NT5DC1: variants seen among roughly 807,000 people sequenced by gnomAD.
The protein encoded by NT5DC1 is 5'-nucleotidase domain containing 1, also known as 5'-nucleotidase domain-containing protein 1.
In NT5DC1, 42 loss-of-function variants were observed where a neutral mutation model predicts 59.4. That is an observed-to-expected ratio of 0.71 (90% confidence interval 0.55 to 0.92). The LOEUF (loss-of-function observed/expected upper bound fraction) is 0.92. Ranked by LOEUF, NT5DC1 falls within the 40% of genes least tolerant of loss-of-function variation. The pLI is 0.00. For missense variants in NT5DC1, 501 were observed against 537.1 expected, an observed-to-expected ratio of 0.93 and a Z score of 0.66; for synonymous variants, 172 against 188.1, an observed-to-expected ratio of 0.91 and a Z score of 0.70.
intron 6 of NT5DC1, among the ~76,000 whole-genome samples, chr6:116,173,566 G>A (rs1301571330): frequency 6.6e-6 from 1 of 152,064 alleles, no homozygotes. Context: ...GCGAGGGCGA[G>A]TGTGCTCCTC....
chr6:116,230,642 C>G (rs1199326966), intron 8 of NT5DC1, among the ~76,000 whole-genome samples: 1 of 152,198 alleles, frequency 6.6e-6, no homozygotes, highest in Non-Finnish European at 1.5e-5. Context: ...AATGCCTTCT[C>G]CCTTTCCTCT....
chr6:116,231,221 G>A (rs544465969), intron 8 of NT5DC1, among the ~76,000 whole-genome samples: 29 of 141,574 alleles, frequency 2.0e-4, no homozygotes, highest in Non-Finnish European at 3.7e-4. Flanking sequence ...TCCTGTTATA[G>A]CCCTCAACAC....
intron 5 of NT5DC1, among the ~76,000 whole-genome samples, chr6:116,116,873 T>C (rs1244695691): frequency 1.3e-5 from 2 of 152,136 alleles, no homozygotes; most frequent in Non-Finnish European, 2.9e-5. Flanking sequence ...GATATAAATA[T>C]CTAGTAGTCT....
chr6:116,121,507 A>G, intron 6 of NT5DC1: 1 of 1,613,658 alleles, frequency 6.2e-7, no homozygotes, highest in East Asian at 2.2e-5. Flanking sequence ...GGCCTGGAAG[A>G]CCCCTCTCAC....
chr6:116,172,317 C>CTTTTTT (rs71554843), intron 6 of NT5DC1, among the ~76,000 whole-genome samples: 7 of 108,022 alleles, frequency 6.5e-5, no homozygotes, highest in Middle Eastern at 5.6e-3. Flanking sequence ...CCCTTAGTAA[C>CTTTTTT]TTTTTTTTTT....
At chr6:116,187,485 G>C (rs1781025754) in intron 6 of NT5DC1, among the ~76,000 whole-genome samples, 1 of 152,098 alleles carries the variant, frequency 6.6e-6, no homozygotes, top group Admixed American at 6.6e-5. Flanking sequence ...TAAAGTTACA[G>C]TAATTTGGTC....
chr6:116,155,648 A>G (rs917824091), intron 6 of NT5DC1, among the ~76,000 whole-genome samples: 4 of 151,900 alleles, frequency 2.6e-5, no homozygotes, highest in African/African-American at 9.7e-5. Context: ...ATTACAACAT[A>G]GGTTGTAAAA....
intron 7 of NT5DC1, among the ~76,000 whole-genome samples, chr6:116,222,702 T>G (rs1419367143): frequency 1.3e-5 from 2 of 152,184 alleles, no homozygotes; most frequent in African/African-American, 4.8e-5. Flanking sequence ...CCCCCAAATT[T>G]GAAGATAGAT....
intron 6 of NT5DC1, among the ~76,000 whole-genome samples, chr6:116,219,807 C>T (rs1420979100): frequency 2.0e-5 from 3 of 151,700 alleles, no homozygotes; most frequent in Non-Finnish European, 2.9e-5. Context: ...ACTAAAAATA[C>T]AGAAGTTAGC....
intron 4 of NT5DC1, among the ~76,000 whole-genome samples, chr6:116,112,592 G>T (rs1302801852): frequency 6.6e-6 from 1 of 152,152 alleles, no homozygotes; most frequent in Non-Finnish European, 1.5e-5. Flanking sequence ...GGTACACTTA[G>T]TTCTTCTAAA....
intron 6 of NT5DC1, among the ~76,000 whole-genome samples, chr6:116,132,474 T>G (rs539709703): frequency 2.0e-5 from 3 of 149,616 alleles, no homozygotes; most frequent in East Asian, 3.9e-4. Context: ...TGCTTATGAG[T>G]TTTTTTTTTC....
intron 8 of NT5DC1, among the ~76,000 whole-genome samples, chr6:116,230,039 G>C (rs1781987939): frequency 6.6e-6 from 1 of 152,128 alleles, no homozygotes; most frequent in Admixed American, 6.5e-5. Context: ...GAATTCTCCA[G>C]CTAATAACCT....
At chr6:116,195,632 A>G (rs1198420579) in intron 6 of NT5DC1, among the ~76,000 whole-genome samples, 1 of 152,038 alleles carries the variant, frequency 6.6e-6, no homozygotes, top group African/African-American at 2.4e-5. Context: ...GGTTAGAAAG[A>G]TGGCTGGCTA....
chr6:116,206,728 GT>G (rs1246743020), intron 6 of NT5DC1, among the ~76,000 whole-genome samples: 3 of 151,918 alleles, frequency 2.0e-5, no homozygotes, highest in Non-Finnish European at 2.9e-5. Flanking sequence ...TCCTTTTGAT[GT>G]TTTAAATGGA....
chr6:116,121,261 C>T, intron 6 of NT5DC1: 1 of 1,613,928 alleles, frequency 6.2e-7, no homozygotes, highest in Non-Finnish European at 8.5e-7. Flanking sequence ...TTCCTGGAGC[C>T]CCAGGGAGAC....
chr6:116,240,493 C>T (rs1401599260), intron 11 of NT5DC1, among the ~76,000 whole-genome samples: 1 of 151,996 alleles, frequency 6.6e-6, no homozygotes, highest in African/African-American at 2.4e-5. Context: ...GCTTTGGTAT[C>T]CACAGGGGTC....
chr6:116,127,577 A>G (rs1301005510), intron 6 of NT5DC1, among the ~76,000 whole-genome samples: 1 of 152,196 alleles, frequency 6.6e-6, no homozygotes, highest in Non-Finnish European at 1.5e-5. Context: ...ACTACAAAAG[A>G]TAAGTGAGAG....
intron 8 of NT5DC1, among the ~76,000 whole-genome samples, chr6:116,224,309 T>C (rs572871260): frequency 6.6e-6 from 1 of 152,316 alleles, no homozygotes; most frequent in East Asian, 1.9e-4. Context: ...TACTCAGTGG[T>C]GGGCTTATGA....
chr6:116,241,944 C>CAAAAAAAAAAAAAAACAAAAA (rs1771738017), intron 11 of NT5DC1, among the ~76,000 whole-genome samples: 1 of 34,414 alleles, frequency 2.9e-5, no homozygotes, highest in Non-Finnish European at 4.4e-5. Flanking sequence ...AAAAACAAAA[C>CAAAAAAAAAAAAAAACAAAAA]AAAAAAAAAA....
Sources: allele counts gnomAD v4.1 joint callset (sites outside exome capture counted in the v4.1 genomes callset), GRCh38; gene constraint gnomAD v4.1.1; transcripts MANE v1.5; gene names NCBI Gene and HGNC (gene_info 2026-07-23, HGNC 2026-07-21).